The following ASZ1 variants were observed in gnomAD, a reference collection of about 807,000 sequenced individuals.
ASZ1 encodes the protein ankyrin repeat, SAM and basic leucine zipper domain containing 1, also known as ankyrin repeat, SAM and basic leucine zipper domain-containing protein 1.
ASZ1 carries 67 observed loss-of-function variants against 61.8 expected under a neutral mutation model. That is an observed-to-expected ratio of 1.08 (90% CI 0.89 to 1.33). ASZ1 has a LOEUF of 1.33. Among genes scored for constraint, ASZ1 ranks in the 40% most tolerant of loss-of-function variants. The pLI, the probability that ASZ1 is intolerant of heterozygous loss-of-function variation, is 0.00. For synonymous variants in ASZ1, 193 were observed against 192.7 expected (o/e 1.00, Z -0.01); for missense variants, 577 against 554.5 (o/e 1.04, Z -0.41).
At chr7:117,403,779 G>A (rs1022229982) in intron 4 of ASZ1, among the ~76,000 whole-genome samples, 2 of 152,262 alleles carry the variant, frequency 1.3e-5, no homozygotes, top group Admixed American at 6.5e-5. Context: ...GCAGCAGACT[G>A]GCACTGGTCT....
Position 117,427,290 on chromosome 7 carries a change from G to A in ASZ1, c.105+66C>T, listed in dbSNP as rs34405004. On this transcript the variant is annotated intron_variant, in intron 1 of 12. Coordinates refer to ENST00000284629, the MANE Select transcript of ASZ1 (RefSeq NM_130768.3). ...GGAGTAGGAGGTTTCACGAGGCTGG[G>A]CCTCGCCTTCGAGGGCCAGGGGAGG... The A allele has an allele frequency of 1.3e-4, 199 of 1,532,650 alleles. 1 individual carries two copies. The highest frequency in any genetic ancestry group is 1.0e-3 in the Admixed American group (61 of 59,788). The allele number at this position is 1,532,650 out of a possible 1,614,324, so 94.9% of individuals were successfully genotyped here.
intron 4 of ASZ1, among the ~76,000 whole-genome samples, chr7:117,412,040 G>GTATGTA (rs1796905230): frequency 1.4e-5 from 1 of 72,924 alleles, no homozygotes; most frequent in Non-Finnish European, 2.5e-5. Context: ...GTGAAAAGAA[G>GTATGTA]TGTGTGTGTG....
intron 4 of ASZ1, among the ~76,000 whole-genome samples, chr7:117,397,521 C>T (rs922506398): frequency 1.3e-5 from 2 of 152,176 alleles, no homozygotes; most frequent in African/African-American, 4.8e-5. Context: ...TGTATGTCCT[C>T]TCAAGTACTG....
At chr7:117,386,464 T>A (rs1796357914) in intron 4 of ASZ1, among the ~76,000 whole-genome samples, 1 of 152,132 alleles carries the variant, frequency 6.6e-6, no homozygotes. Flanking sequence ...AGAGATTCAA[T>A]CCTTCTACTC....
At chr7:117,376,436 C>T (rs566259215) in intron 10 of ASZ1, among the ~76,000 whole-genome samples, 1 of 152,136 alleles carries the variant, frequency 6.6e-6, no homozygotes, top group South Asian at 2.1e-4. Context: ...GGAATACATC[C>T]CAATTCATTT....
intron 10 of ASZ1, among the ~76,000 whole-genome samples, chr7:117,377,009 T>C (rs574880577): frequency 3.3e-5 from 5 of 152,192 alleles, no homozygotes; most frequent in African/African-American, 9.6e-5. Flanking sequence ...TACATGATTA[T>C]CTACATAGAA....
rs759520409 is a variant in ASZ1 at position 117,426,824 on chromosome 7, C to T, written c.205+12G>A. 1 of 1,589,922 alleles carries T rather than the reference C, an allele frequency of 6.3e-7. No homozygotes were observed. The highest frequency in any genetic ancestry group is 1.4e-5 in the African/African-American group (1 of 73,334). On this transcript the variant is annotated intron_variant, in intron 2 of 12. Transcript: ENST00000284629. ...CAGCTGTGTTCAGATGAAACTGTCC[C>T]TTATCTCTCACCAGAATCTAGGAGC... is the stretch of plus-strand genomic sequence containing the variant.
intron 1 of ASZ1, 53 bp from the exon 2 acceptor site, chr7:117,426,988 C>G (rs921508366): frequency 8.1e-6 from 12 of 1,478,554 alleles, no homozygotes; most frequent in Non-Finnish European, 1.1e-5. Flanking sequence ...TTTGTTTCCA[C>G]CTCATCAGGA....
intron 4 of ASZ1, among the ~76,000 whole-genome samples, chr7:117,400,574 C>T (rs1796661297): frequency 6.6e-6 from 1 of 152,118 alleles, no homozygotes; most frequent in South Asian, 2.1e-4. Flanking sequence ...TTCAGGTCTA[C>T]TAAAGCACTG....
At chr7:117,415,176 C>T (rs1000940771) in intron 4 of ASZ1, among the ~76,000 whole-genome samples, 8 of 152,210 alleles carry the variant, frequency 5.3e-5, no homozygotes, top group African/African-American at 1.9e-4. Flanking sequence ...TTTTAATGAT[C>T]GCCATTCTAT....
At chr7:117,404,567 A>G (rs1224615055) in intron 4 of ASZ1, among the ~76,000 whole-genome samples, 1 of 152,066 alleles carries the variant, frequency 6.6e-6, no homozygotes, top group Non-Finnish European at 1.5e-5. Context: ...CTGGCATCCT[A>G]TATCACTACT....
intron 4 of ASZ1, among the ~76,000 whole-genome samples, chr7:117,399,257 T>TA (rs1562854695): frequency 6.6e-6 from 1 of 151,904 alleles, no homozygotes; most frequent in Admixed American, 6.6e-5. Context: ...AACTAAATGC[T>TA]AAAAAAATAC....
At chr7:117,385,096 T>C (rs1796328028) in intron 5 of ASZ1, among the ~76,000 whole-genome samples, 1 of 152,174 alleles carries the variant, frequency 6.6e-6, no homozygotes, top group African/African-American at 2.4e-5. Context: ...AATTAACTGA[T>C]GTTAAGGAAT....
intron 10 of ASZ1, among the ~76,000 whole-genome samples, chr7:117,370,598 A>T (rs1365202180): frequency 6.6e-6 from 1 of 152,162 alleles, no homozygotes; most frequent in Non-Finnish European, 1.5e-5. Flanking sequence ...ATTCAGAGAA[A>T]AAGAAAGAAA....
intron 8 of ASZ1, 87 bp from the exon 9 acceptor site, chr7:117,381,154 G>T: frequency 8.1e-7 from 1 of 1,230,704 alleles, no homozygotes; most frequent in Non-Finnish European, 1.1e-6. Flanking sequence ...TTAGTTACTT[G>T]CTTCACTCTG....
At chr7:117,419,163 C>T (rs1797053759) in intron 4 of ASZ1, among the ~76,000 whole-genome samples, 1 of 152,078 alleles carries the variant, frequency 6.6e-6, no homozygotes, top group Admixed American at 6.6e-5. Flanking sequence ...AGCAGCATCC[C>T]TGGCTTCTAT....
intron 12 of ASZ1, 59 bp downstream of exon 12, chr7:117,367,293 C>T: frequency 7.9e-7 from 1 of 1,273,442 alleles, no homozygotes; most frequent in South Asian, 2.3e-5. Flanking sequence ...TTGTCTAACA[C>T]CTTTTGCTGT....
At chr7:117,385,890 A>G in intron 4 of ASZ1, 81 bp from the exon 5 acceptor site, 1 of 1,078,722 alleles carries the variant, frequency 9.3e-7, no homozygotes, top group Admixed American at 2.4e-5. Flanking sequence ...CATACACAAT[A>G]CCACCAGTAC....
Position 117,380,993 on chromosome 7 carries a change from T to C in ASZ1, c.945+18A>G. 1 of 1,559,142 alleles carries C rather than the reference T, an allele frequency of 6.4e-7. No individual in the cohort carries two copies. The highest frequency in any genetic ancestry group is 8.8e-7 in the Non-Finnish European group (1 of 1,141,668). On this transcript the variant is annotated intron_variant, in intron 9 of 12. Transcript: ENST00000284629. ...AACATCAAACAATGTATCGGGAATT[T>C]TTGAAATTGATACTAACCTTTGTAA...
Sources: gnomAD v4.1 joint callset for allele counts (sites outside exome capture counted in the v4.1 genomes callset) on GRCh38, gnomAD v4.1.1 for gene constraint, MANE v1.5 for transcripts, NCBI Gene and HGNC (gene_info 2026-07-23, HGNC 2026-07-21) for gene names.